The following PLAC1 variants were observed in gnomAD, a reference collection of about 807,000 sequenced individuals.
PLAC1 encodes the protein placenta-specific protein 1.
For synonymous variants in PLAC1, 68 were observed against 62.1 expected (o/e 1.09, Z -0.44); for missense variants, 136 against 163.2 (o/e 0.83, Z 0.91).
chrX:134,762,697 G>A (rs966367991), intron 1 of PLAC1, among the ~76,000 whole-genome samples: 3 of 106,898 alleles, frequency 2.8e-5, no homozygotes, highest in Non-Finnish European at 5.8e-5. Flanking sequence ...GCGCAGTGGC[G>A]GGCGCCTATA....
At chrX:134,628,399 T>G in intron 1 of PLAC1, among the ~76,000 whole-genome samples, 1 of 112,165 alleles carries the variant, frequency 8.9e-6, no homozygotes, top group East Asian at 2.8e-4. Flanking sequence ...TTTCTCTATA[T>G]ACTTTGATTA....
intron 2 of PLAC1, among the ~76,000 whole-genome samples, chrX:134,582,343 T>G (rs1208638602): frequency 2.7e-5 from 3 of 112,156 alleles, no homozygotes; most frequent in African/African-American, 9.7e-5. Flanking sequence ...AGGGCCACCT[T>G]ATCATTATTT....
At chrX:134,723,617 A>G (rs887695630) in intron 2 of PLAC1, among the ~76,000 whole-genome samples, 9 of 111,485 alleles carry the variant, frequency 8.1e-5, no homozygotes, top group African/African-American at 2.9e-4. Context: ...CCAGCCAAGA[A>G]TGTATTACCT....
At chrX:134,595,818 C>G (rs1252264481) in intron 2 of PLAC1, among the ~76,000 whole-genome samples, 1 of 109,691 alleles carries the variant, frequency 9.1e-6, no homozygotes, top group East Asian at 2.8e-4. Context: ...ATCCACTCTG[C>G]CAGTCTCTGT....
intron 1 of PLAC1, among the ~76,000 whole-genome samples, chrX:134,621,606 T>C (rs2078211560): frequency 9.0e-6 from 1 of 111,426 alleles, no homozygotes; most frequent in East Asian, 2.8e-4. Flanking sequence ...TGTATATGGC[T>C]TTCAGAATAT....
chrX:134,734,297 G>T (rs34827782), intron 1 of PLAC1, among the ~76,000 whole-genome samples: 1 of 113,187 alleles, frequency 8.8e-6, no homozygotes, highest in African/African-American at 3.2e-5. Flanking sequence ...CAATGACCTA[G>T]GCCTGATCTC....
At chrX:134,756,052 C>T (rs1602953743) in intron 1 of PLAC1, among the ~76,000 whole-genome samples, 1 of 107,470 alleles carries the variant, frequency 9.3e-6, no homozygotes, top group East Asian at 2.9e-4. Flanking sequence ...GGGGTTTCAC[C>T]GTGTTAGCCA....
chrX:134,742,391 C>A (rs1057381173), intron 1 of PLAC1, among the ~76,000 whole-genome samples: 1 of 111,842 alleles, frequency 8.9e-6, no homozygotes, highest in African/African-American at 3.2e-5. Flanking sequence ...TGTTCGAGAC[C>A]AGCCTGGCCA....
chrX:134,755,019 A>G (rs1487297504), intron 1 of PLAC1, among the ~76,000 whole-genome samples: 1 of 111,724 alleles, frequency 9.0e-6, no homozygotes, highest in African/African-American at 3.2e-5. Context: ...AGCACTTCAG[A>G]TGCTAACATC....
rs143521235 is a variant in PLAC1, at chrX:134,674,252, A to G, written n.174+59183T>C. Reference sequence around the variant, plus strand: ...ATTCAGGATGACATGTTGAGGAAAAATATTCCAAGCACTGAATCTTAAAAC... The same window carrying G: ...ATTCAGGATGACATGTTGAGGAAAAGTATTCCAAGCACTGAATCTTAAAAC... On this transcript the variant is annotated intron_variant and non_coding_transcript_variant, in intron 2 of 2. Transcript: ENST00000466797. Among the ~76,000 whole-genome samples the G allele has an allele frequency of 7.3e-3, 817 of 112,640 alleles. 8 individuals carry two copies. Among genetic ancestry groups the G allele is most frequent in the African/African-American group, 0.025 (786 of 30,997 alleles).
chrX:134,686,079 T>C (rs749324929), intron 2 of PLAC1, among the ~76,000 whole-genome samples: 1 of 111,665 alleles, frequency 9.0e-6, no homozygotes, highest in Non-Finnish European at 1.9e-5. Flanking sequence ...AAGTCCTTAA[T>C]CGGATGTCGG....
intron 1 of PLAC1, among the ~76,000 whole-genome samples, chrX:134,610,106 T>C (rs1219377734): frequency 9.0e-6 from 1 of 110,893 alleles, no homozygotes; most frequent in Non-Finnish European, 1.9e-5. Context: ...GCCTCCTGAG[T>C]AGCTGGGATT....
At chrX:134,590,022 C>T (rs1331794890) in intron 2 of PLAC1, among the ~76,000 whole-genome samples, 1 of 70,322 alleles carries the variant, frequency 1.4e-5, no homozygotes, top group Non-Finnish European at 2.7e-5. Context: ...GGTGAAAACC[C>T]ATCTGTACTA....
chrX:134,637,080 T>C (rs1260130791), intron 1 of PLAC1, among the ~76,000 whole-genome samples: 10 of 112,669 alleles, frequency 8.9e-5, no homozygotes, highest in Admixed American at 8.4e-4. Flanking sequence ...ATGGATTAAC[T>C]GTAGCATAGG....
intron 1 of PLAC1, among the ~76,000 whole-genome samples, chrX:134,654,362 C>A (rs183657426): frequency 1.8e-5 from 2 of 112,198 alleles, no homozygotes; most frequent in Admixed American, 1.9e-4. Context: ...ATGATTCTTA[C>A]GATCAGGCAA....
intron 2 of PLAC1, among the ~76,000 whole-genome samples, chrX:134,583,323 C>T (rs773089058): frequency 1.8e-4 from 19 of 107,581 alleles, no homozygotes; most frequent in Middle Eastern, 4.9e-3. Flanking sequence ...AACTCCTGGC[C>T]TCAAGCGATG....
intron 1 of PLAC1, among the ~76,000 whole-genome samples, chrX:134,656,134 C>T (rs1569398886): frequency 8.9e-6 from 1 of 112,087 alleles, no homozygotes; most frequent in Non-Finnish European, 1.9e-5. Context: ...AAACACACTG[C>T]CTTTTCTACG....
intron 2 of PLAC1, among the ~76,000 whole-genome samples, chrX:134,600,704 A>G (rs764700211): frequency 1.4e-4 from 15 of 110,087 alleles, no homozygotes; most frequent in Admixed American, 2.9e-4. Flanking sequence ...AAATGGTTCT[A>G]CATCTCATTA....
chrX:134,695,847 A>G (rs1431398982), intron 2 of PLAC1, among the ~76,000 whole-genome samples: 1 of 111,364 alleles, frequency 9.0e-6, no homozygotes, highest in East Asian at 2.8e-4. Flanking sequence ...TGACTTAATC[A>G]GTTAGTTATT....
Sources: allele counts gnomAD v4.1 joint callset (sites outside exome capture counted in the v4.1 genomes callset), GRCh38; gene constraint gnomAD v4.1.1; transcripts MANE v1.5; gene names NCBI Gene and HGNC (gene_info 2026-07-23, HGNC 2026-07-21).